C19orf53: variants seen among roughly 807,000 people sequenced by gnomAD.
C19orf53 encodes the protein chromosome 19 open reading frame 53, also known as leydig cell tumor 10 kDa protein homolog.
C19orf53 carries 9 observed loss-of-function variants against 6.5 expected under a neutral mutation model. That is an observed-to-expected ratio of 1.38 (90% confidence interval 0.83 to 2.40). C19orf53 has a LOEUF of 2.40. Ranked by LOEUF, C19orf53 falls within the 30% of genes most tolerant of loss-of-function variation. The probability of loss-of-function intolerance (pLI) is 0.00; values close to 1 mark genes in which losing one functional copy is unlikely to be tolerated. For missense variants in C19orf53, 166 were observed against 129.7 expected (o/e 1.28, Z -1.36); for synonymous variants, 68 against 52.5 (o/e 1.29, Z -1.27).
rs1266668110 is a variant in C19orf53, at chr19:13,778,621, G to A, written c.*423G>A. Among the ~76,000 whole-genome samples, 4 of 152,214 alleles carry A rather than the reference G, an allele frequency of 2.6e-5. No homozygotes were observed. Among genetic ancestry groups the A allele is most frequent in the Admixed American group, 2.0e-4 (3 of 15,282 alleles). On this transcript the variant is annotated 3_prime_UTR_variant, in exon 3 of 3. Transcript: ENST00000588234. ...ACCTCTGGCCCTGAGCCTGAGAGCCGGGAAAGAGTCTTTTCTCCATTTAAC... is the reference window on the plus strand; with the variant it reads ...ACCTCTGGCCCTGAGCCTGAGAGCCAGGAAAGAGTCTTTTCTCCATTTAAC...
intron 2 of C19orf53, among the ~76,000 whole-genome samples, chr19:13,777,020 G>T (rs1424192260): frequency 3.3e-5 from 5 of 151,694 alleles, no homozygotes; most frequent in Non-Finnish European, 5.9e-5. Flanking sequence ...GGTGCGGTCT[G>T]GGCTCACTGC....
chr19:13,778,207 G>T lies in C19orf53; in HGVS notation c.*9G>T. On this transcript the variant is annotated 3_prime_UTR_variant, in exon 3 of 3. Coordinates refer to ENST00000588234, the MANE Select transcript of C19orf53 (RefSeq NM_014047.3). ...CCAAGACACCTTCCTGAGGACGCTG[G>T]CCCCAGTGCAGGCCAACATCCCACC... 1.3e-6 allele frequency: 2 copies of T among 1,587,580 alleles called. No homozygotes were observed. The highest frequency in any genetic ancestry group is 1.7e-6 in the Non-Finnish European group (2 of 1,164,636).
chr19:13,776,881 A>G (rs1974376994), intron 2 of C19orf53, among the ~76,000 whole-genome samples: 1 of 152,186 alleles, frequency 6.6e-6, no homozygotes. Context: ...TTCCAGCTCC[A>G]TGACCCCTGC....
At chr19:13,774,615 C>T in intron 1 of C19orf53, 37 bp from the exon 2 acceptor site, 1 of 1,613,606 alleles carries the variant, frequency 6.2e-7, no homozygotes, top group Non-Finnish European at 8.5e-7. Flanking sequence ...GGTGGACCCC[C>T]GGCTTCCCGG....
intron 2 of C19orf53, among the ~76,000 whole-genome samples, chr19:13,776,769 C>T (rs376731851): frequency 6.6e-6 from 1 of 152,154 alleles, no homozygotes; most frequent in Admixed American, 6.6e-5. Flanking sequence ...ACCCATCCCT[C>T]CTCACTCCTG....
intron 2 of C19orf53, chr19:13,775,641 AAGG>A (rs1974362364): frequency 6.6e-6 from 1 of 152,084 alleles, no homozygotes; most frequent in South Asian, 2.1e-4. Flanking sequence ...AAGAAGTTGG[AAGG>A]AGATTTAAAA....
chr19:13,774,768 G>T, intron 2 of C19orf53, 61 bp downstream of exon 2: 1 of 1,547,864 alleles, frequency 6.5e-7, no homozygotes. Flanking sequence ...GGAACCCGGA[G>T]GACGGCGAGG....
chr19:13,778,090 C>T lies in C19orf53; in HGVS notation c.192C>T (p.Asp64=), dbSNP rs140771694. The change falls in exon 3 of 3, where the codon GAC becomes GAT. Residue 64 remains aspartate (D), a synonymous_variant. Transcript: ENST00000588234. ...GAATCCGGAAGAAGATCGAACATGA[C>T]GTGGTGATGAAAGCCAGCAGCAGCC... ...EVGIRKKIEH[D]VVMKASSSLP... is the part of the protein sequence containing the mutation. 4.0e-5 allele frequency: 65 copies of T among 1,613,208 alleles called. No individual in the cohort carries two copies. The highest frequency in any genetic ancestry group is 3.5e-4 in the African/African-American group (26 of 74,996).
intron 2 of C19orf53, among the ~76,000 whole-genome samples, chr19:13,776,239 A>G (rs1443148604): frequency 7.4e-5 from 11 of 149,100 alleles, no homozygotes; most frequent in African/African-American, 2.7e-4. Flanking sequence ...CGGCCTCCCA[A>G]AGTGCTGGGA....
chr19:13,778,649 C>A lies in C19orf53; in HGVS notation c.*451C>A, dbSNP rs538045351. On this transcript the variant is annotated 3_prime_UTR_variant, in exon 3 of 3. Coordinates refer to ENST00000588234, the MANE Select transcript of C19orf53 (RefSeq NM_014047.3). The stretch of plus-strand genomic sequence containing the variant: ...AAAGAGTCTTTTCTCCATTTAACCC[C>A]GGGTGACTCACTCCCTGGCCAGTCC... Among the ~76,000 whole-genome samples, 1 of 152,228 alleles carries A rather than the reference C, an allele frequency of 6.6e-6. No individual in the cohort carries two copies. Among genetic ancestry groups the A allele is most frequent in the South Asian group, 2.1e-4 (1 of 4,824 alleles).
intron 1 of C19orf53, 29 bp downstream of exon 1, chr19:13,774,603 G>C (rs750159793): frequency 5.6e-6 from 9 of 1,613,700 alleles, no homozygotes; most frequent in Non-Finnish European, 6.8e-6. Context: ...ACTTGGGGGC[G>C]AGGTGGACCC....
chr19:13,775,409 A>C (rs13345723), intron 2 of C19orf53: 4,146 of 153,604 alleles, frequency 0.027, 176 homozygotes, highest in African/African-American at 0.094. Flanking sequence ...CCTCTCGAGT[A>C]GGTAGAATTG....
At chr19:13,775,567 G>A (rs971484472) in intron 2 of C19orf53, 1 of 152,198 alleles carries the variant, frequency 6.6e-6, no homozygotes, top group African/African-American at 2.4e-5. Flanking sequence ...TTACAGGCGT[G>A]AGCCACCCTA....
chr19:13,774,557 G>C lies in C19orf53; in HGVS notation c.80G>C (p.Arg27Pro). ...GCAGCGGCAGCCTCTGAAAAGAATCGGGGCCCAAGAAAAGGCGGTAAGGAG... is the reference window on the plus strand; with the variant it reads ...GCAGCGGCAGCCTCTGAAAAGAATCCGGGCCCAAGAAAAGGCGGTAAGGAG... ...KTAAAASEKN[R>P]GPRKGGRVIA... Residue 27 changes from arginine (R) to proline (P), a missense_variant, in exon 1 of 3, where the codon CGG (arginine) becomes CCG (proline). By Grantham distance (103) the Arg-to-Pro change is moderately radical. Transcript: ENST00000588234. 6.2e-7 allele frequency: 1 copy of C among 1,614,028 alleles called. No individual in the cohort carries two copies. Among genetic ancestry groups the C allele is most frequent in the Non-Finnish European group, 8.5e-7 (1 of 1,179,904 alleles).
Sources: gnomAD v4.1 joint callset for allele counts (sites outside exome capture counted in the v4.1 genomes callset) on GRCh38, gnomAD v4.1.1 for gene constraint, MANE v1.5 for transcripts, NCBI Gene and HGNC (gene_info 2026-07-23, HGNC 2026-07-21) for gene names.